Variants in EMP1 observed in about 807,000 individuals in gnomAD.
EMP1 encodes the protein tumor-associated membrane protein.
A neutral mutation model predicts 15.7 loss-of-function variants in EMP1; 5 were observed. That is an observed-to-expected ratio of 0.32 (90% CI 0.17 to 0.67). EMP1 has a LOEUF of 0.67. Among genes scored for constraint, EMP1 ranks in the 30% least tolerant of loss-of-function variants. The pLI, the probability that EMP1 is intolerant of heterozygous loss-of-function variation, is 0.74. For missense variants in EMP1, 166 were observed against 194.2 expected (o/e 0.85, Z 0.86); for synonymous variants, 78 against 76.7 (o/e 1.02, Z -0.09).
Position 13,213,576 on chromosome 12 carries a change from G to T in EMP1, c.175+1G>T. On this transcript the variant is annotated splice_donor_variant, in intron 3 of 4. Coordinates refer to ENST00000256951, the MANE Select transcript of EMP1 (RefSeq NM_001423.3). LOFTEE classifies it high-confidence loss of function. ...GACAGCCTGTCATATGCCAGTGAAGGTATATATAAAGATATTGACCCAGTG... is the reference window on the plus strand; with the variant it reads ...GACAGCCTGTCATATGCCAGTGAAGTTATATATAAAGATATTGACCCAGTG... 5.0e-6 allele frequency: 8 copies of T among 1,614,174 alleles called. No homozygotes were observed. In the South Asian group the frequency reaches 7.7e-5, roughly 16 times the overall value.
At position 13,211,717 on chromosome 12, in the gene EMP1, A is replaced by C; in HGVS notation, c.78+129A>C. On this transcript the variant is annotated intron_variant, in intron 2 of 4. Transcript: ENST00000256951. This position sits in a 1 kb window ranked among gnomAD's most constrained non-coding sequence, Gnocchi z 4.7. ...TTACAGCTCAGTTGTGGGAAAACAA[A>C]ATAAACACACGCTTGCCCTTCAAAC... 1 of 947,976 alleles carries C rather than the reference A, an allele frequency of 1.1e-6. No homozygotes were observed. Among genetic ancestry groups the C allele is most frequent in the African/African-American group, 1.6e-5 (1 of 60,794 alleles). The allele number at this position is 947,976 out of a possible 1,614,324, so 58.7% of individuals were successfully genotyped here.
chr12:13,212,287 C>T (rs978540729), intron 2 of EMP1, among the ~76,000 whole-genome samples: 3 of 152,144 alleles, frequency 2.0e-5, no homozygotes, highest in Non-Finnish European at 4.4e-5. Context: ...GCTTACAGCG[C>T]CCAATTTGCT....
In EMP1 at chr12:13,216,225, C is replaced by T. The variant is rs565230359; in HGVS notation, c.*1534C>T. On this transcript the variant is annotated 3_prime_UTR_variant, in exon 5 of 5. Coordinates refer to ENST00000256951, the MANE Select transcript of EMP1 (RefSeq NM_001423.3). The stretch of plus-strand genomic sequence containing the variant: ...GATCTACCCCAGGGAGAATCTGAGA[C>T]ATCTTGCCTACTTTTCTTTATTAGC... The T allele has an allele frequency of 5.0e-6, 3 of 594,216 alleles. No homozygotes were observed. The African/African-American group carries it at 5.6e-5, about 11-fold the overall frequency. The allele number at this position is 594,216 out of a possible 1,614,324, so 36.8% of individuals were successfully genotyped here.
chr12:13,200,367 A>T (rs1864054025), intron 1 of EMP1, among the ~76,000 whole-genome samples: 2 of 152,176 alleles, frequency 1.3e-5, no homozygotes, highest in South Asian at 2.1e-4. Context: ...TGCCCATCAA[A>T]TGTAGCCTCC....
intron 1 of EMP1, among the ~76,000 whole-genome samples, chr12:13,201,448 C>CA (rs1038633744): frequency 2.0e-5 from 3 of 151,986 alleles, no homozygotes; most frequent in East Asian, 1.9e-4. Flanking sequence ...ACAAAAACAC[C>CA]AAAAAAACGA....
chr12:13,205,321 A>G (rs1864101893), intron 1 of EMP1, among the ~76,000 whole-genome samples: 1 of 152,222 alleles, frequency 6.6e-6, no homozygotes, highest in African/African-American at 2.4e-5. Context: ...GGCAACACAC[A>G]CATATATACC....
chr12:13,216,603 C>CT lies in EMP1; in HGVS notation c.*1919dup. ...AAACCATGTATTCCCTTATCTTTTA[C>CT]TTTTTTTCTGTGACATTTATGTCTC... On this transcript the variant is annotated 3_prime_UTR_variant, in exon 5 of 5. Transcript: ENST00000256951. 1.6e-6 allele frequency: 1 copy of CT among 612,642 alleles called. No individual in the cohort carries two copies. The highest frequency in any genetic ancestry group is 2.9e-6 in the Non-Finnish European group (1 of 345,264). The allele number at this position is 612,642 out of a possible 1,614,324, so 38.0% of individuals were successfully genotyped here.
intron 1 of EMP1, among the ~76,000 whole-genome samples, chr12:13,210,135 G>A (rs1864151665): frequency 6.6e-6 from 1 of 152,226 alleles, no homozygotes; most frequent in African/African-American, 2.4e-5. Context: ...GGCATGTGAA[G>A]TGTTGGAATT....
chr12:13,201,509 G>A (rs913641805), intron 1 of EMP1, among the ~76,000 whole-genome samples: 1 of 152,140 alleles, frequency 6.6e-6, no homozygotes, highest in Non-Finnish European at 1.5e-5. Flanking sequence ...TATCCCTTGC[G>A]CTGATGCTAG....
intron 1 of EMP1, among the ~76,000 whole-genome samples, chr12:13,202,114 G>A (rs1864071409): frequency 6.6e-6 from 1 of 152,144 alleles, no homozygotes; most frequent in South Asian, 2.1e-4. Flanking sequence ...CAGAAAGGGG[G>A]CAAAAGAGCA....
At chr12:13,204,031 G>A (rs191568160) in intron 1 of EMP1, among the ~76,000 whole-genome samples, 11 of 152,164 alleles carry the variant, frequency 7.2e-5, no homozygotes, top group Admixed American at 6.5e-4. Flanking sequence ...CCTGCATTTG[G>A]AAGATGAAAA....
At chr12:13,213,168 C>G (rs754538148) in intron 2 of EMP1, among the ~76,000 whole-genome samples, 5 of 152,158 alleles carry the variant, frequency 3.3e-5, no homozygotes, top group Non-Finnish European at 4.4e-5. Flanking sequence ...TTTCTCAGAA[C>G]CTTAGAATTT....
Position 13,213,493 on chromosome 12 carries a change from C to CA in EMP1, c.95dup (p.Asn32LysfsTer17). 6.2e-7 allele frequency: 1 copy of CA among 1,614,098 alleles called. No homozygotes were observed. Among genetic ancestry groups the CA allele is most frequent in the Non-Finnish European group, 8.5e-7 (1 of 1,180,022 alleles). ...TCTGGTTTCAGGTCTGGTTGGTTTC[C>CA]AATACGGTAGATGCATCAGTAGGTC... is the stretch of plus-strand genomic sequence containing the variant. On this transcript the variant is annotated frameshift_variant, in exon 3 of 5. Transcript: ENST00000256951. LOFTEE classifies it high-confidence loss of function.
Position 13,219,749 on chromosome 12 carries a change from GA to G in EMP1, c.*5060del, listed in dbSNP as rs1489198661. 6.6e-6 allele frequency: 1 copy of G among 152,174 alleles called. No homozygotes were observed. Among genetic ancestry groups the G allele is most frequent in the Non-Finnish European group, 1.5e-5 (1 of 68,026 alleles). 9.4% of individuals were successfully genotyped at this position (152,174 alleles called of 1,614,324 possible). A position where few individuals can be genotyped will look rare whatever the true frequency, so the allele number is the denominator to read the frequency against. On this transcript the variant is annotated 3_prime_UTR_variant, in exon 5 of 5. Coordinates refer to ENST00000256951, the MANE Select transcript of EMP1 (RefSeq NM_001423.3). ...TTAAACAACAGTGGATGGGGAGGAA[GA>G]ACAGACTTTTGAGCTCTTCCCAATA... is the stretch of plus-strand genomic sequence containing the variant.
chr12:13,217,178 C>T lies in EMP1; in HGVS notation c.*2487C>T, dbSNP rs767980054. On this transcript the variant is annotated 3_prime_UTR_variant, in exon 5 of 5. Coordinates refer to ENST00000256951, the MANE Select transcript of EMP1 (RefSeq NM_001423.3). ...TGCATCACACCTATTTGTAGCAGCC[C>T]ATTCATTACATAAACCAGGGCATAC... The T allele has an allele frequency of 5.9e-5, 9 of 152,200 alleles. No homozygotes were observed. The highest frequency in any genetic ancestry group is 1.2e-4 in the Non-Finnish European group (8 of 68,054). 9.4% of individuals were successfully genotyped at this position (152,200 alleles called of 1,614,324 possible).
intron 1 of EMP1, among the ~76,000 whole-genome samples, chr12:13,204,198 G>A (rs1292862672): frequency 1.3e-5 from 2 of 152,086 alleles, no homozygotes; most frequent in Admixed American, 1.3e-4. Flanking sequence ...TGCAGAGGCC[G>A]GAGGAAATGG....
chr12:13,214,952 C>G lies in EMP1; in HGVS notation c.*261C>G, dbSNP rs1864201057. 2 of 413,678 alleles carry G rather than the reference C, an allele frequency of 4.8e-6. No individual in the cohort carries two copies. The highest frequency in any genetic ancestry group is 4.0e-5 in the African/African-American group (2 of 49,772). The allele number at this position is 413,678 out of a possible 1,614,324, so 25.6% of individuals were successfully genotyped here. On this transcript the variant is annotated 3_prime_UTR_variant, in exon 5 of 5. Transcript: ENST00000256951. The stretch of plus-strand genomic sequence containing the variant: ...CCTCCCTGCAGCCACCAGACTTGGC[C>G]TCCAGCTGTTCTTAGTGACACACAC...
chr12:13,216,302 C>T lies in EMP1; in HGVS notation c.*1611C>T. On this transcript the variant is annotated 3_prime_UTR_variant, in exon 5 of 5. Coordinates refer to ENST00000256951, the MANE Select transcript of EMP1 (RefSeq NM_001423.3). ...CTTTCCTTTTTGGGGAGTTGTTATG[C>T]CATGATTTTTGGTATTTATGTAAAA... 1 of 686,670 alleles carries T rather than the reference C, an allele frequency of 1.5e-6. No homozygotes were observed. The allele number at this position is 686,670 out of a possible 1,614,324, so 42.5% of individuals were successfully genotyped here. A position where few individuals can be genotyped will look rare whatever the true frequency, so the allele number is the denominator to read the frequency against.
Position 13,216,235 on chromosome 12 carries a change from A to C in EMP1, c.*1544A>C. On this transcript the variant is annotated 3_prime_UTR_variant, in exon 5 of 5. Transcript: ENST00000256951. The stretch of plus-strand genomic sequence containing the variant: ...AGGGAGAATCTGAGACATCTTGCCT[A>C]CTTTTCTTTATTAGCTTTCTCCTCA... 1.7e-6 allele frequency: 1 copy of C among 602,052 alleles called. No individual in the cohort carries two copies. The allele number at this position is 602,052 out of a possible 1,614,324, so 37.3% of individuals were successfully genotyped here. A position where few individuals can be genotyped will look rare whatever the true frequency, so the allele number is the denominator to read the frequency against.
Sources: allele counts gnomAD v4.1 joint callset (sites outside exome capture counted in the v4.1 genomes callset), GRCh38; gene constraint gnomAD v4.1.1; non-coding constraint Gnocchi (gnomAD v3.1); transcripts MANE v1.5; gene names NCBI Gene and HGNC (gene_info 2026-07-23, HGNC 2026-07-21).